STXBP6: variants seen among roughly 807,000 people sequenced by gnomAD.
The protein encoded by STXBP6 is syntaxin-binding protein 6.
Under a neutral mutation model 26.9 loss-of-function variants are expected in STXBP6, and 21 were observed. That is an observed-to-expected ratio of 0.78 (90% CI 0.55 to 1.12). The LOEUF (loss-of-function observed/expected upper bound fraction) is 1.12. Among genes scored for constraint, STXBP6 ranks in the 50% most tolerant of loss-of-function variants. STXBP6 has a pLI of 0.00. For missense variants in STXBP6, 232 were observed against 257.9 expected (o/e 0.90, Z 0.69); for synonymous variants, 97 against 92.6 (o/e 1.05, Z -0.27).
intron 2 of STXBP6, among the ~76,000 whole-genome samples, chr14:24,955,337 C>T (rs2140086097): frequency 6.6e-6 from 1 of 152,238 alleles, no homozygotes. Flanking sequence ...ATCCACAGGC[C>T]ACTCATCCAC....
chr14:24,838,757 G>T (rs1266732212), intron 4 of STXBP6, among the ~76,000 whole-genome samples: 1 of 152,004 alleles, frequency 6.6e-6, no homozygotes, highest in African/African-American at 2.4e-5. Context: ...GCACCTAGAG[G>T]CTAATAATTC....
At chr14:24,822,885 A>T (rs2068177422) in intron 4 of STXBP6, among the ~76,000 whole-genome samples, 1 of 152,206 alleles carries the variant, frequency 6.6e-6, no homozygotes, top group Non-Finnish European at 1.5e-5. Flanking sequence ...GTATTTATTA[A>T]ATCACGACAT....
At chr14:24,823,274 T>C (rs1485132537) in intron 4 of STXBP6, among the ~76,000 whole-genome samples, 7 of 151,950 alleles carry the variant, frequency 4.6e-5, no homozygotes, top group Non-Finnish European at 1.0e-4. Context: ...GTTCAGTCAC[T>C]GAGAACACAA....
At position 24,847,889 on chromosome 14, in the gene STXBP6, T is replaced by C. The variant is rs1281869732; in HGVS notation, c.451+8047A>G. Among the ~76,000 whole-genome samples, 2 of 152,192 alleles carry C rather than the reference T, an allele frequency of 1.3e-5. 1 individual carries two copies. The highest frequency in any genetic ancestry group is 4.1e-4 in the South Asian group (2 of 4,836). ...AGTCAGCAGTAACATGTGCACTCTA[T>C]AAATGTCAAACATAAAATGCAACAC... On this transcript the variant is annotated intron_variant, in intron 4 of 5. Transcript: ENST00000323944.
intron 1 of STXBP6, among the ~76,000 whole-genome samples, chr14:24,989,335 T>C (rs2074409208): frequency 6.6e-6 from 1 of 152,232 alleles, no homozygotes; most frequent in Admixed American, 6.5e-5. Context: ...TGTAAGAATA[T>C]ATTTTCAGAA....
intron 2 of STXBP6, among the ~76,000 whole-genome samples, chr14:24,966,103 T>C (rs2073724756): frequency 6.6e-6 from 1 of 152,222 alleles, no homozygotes. Context: ...CAGTGGGCTG[T>C]GTGGTGGGAG....
At chr14:24,969,636 G>A (rs1158724811) in intron 2 of STXBP6, among the ~76,000 whole-genome samples, 1 of 152,158 alleles carries the variant, frequency 6.6e-6, no homozygotes, top group Non-Finnish European at 1.5e-5. Context: ...AGCATCTATT[G>A]TCCCTATTGA....
intron 2 of STXBP6, among the ~76,000 whole-genome samples, chr14:24,862,874 C>T (rs981064085): frequency 6.6e-6 from 1 of 152,148 alleles, no homozygotes; most frequent in Admixed American, 6.5e-5. Context: ...CAAGTGCCTG[C>T]CCTACACCAA....
intron 2 of STXBP6, among the ~76,000 whole-genome samples, chr14:24,929,584 C>T (rs2072306825): frequency 6.6e-6 from 1 of 152,208 alleles, no homozygotes. Flanking sequence ...AGCTAATAAA[C>T]ATTTGTCTGG....
intron 2 of STXBP6, among the ~76,000 whole-genome samples, chr14:24,883,562 A>T (rs1028373092): frequency 6.6e-6 from 1 of 152,200 alleles, no homozygotes; most frequent in Non-Finnish European, 1.5e-5. Context: ...CTCAAATATT[A>T]AATCTCCAAC....
At chr14:24,872,010 C>T (rs543962235) in intron 2 of STXBP6, among the ~76,000 whole-genome samples, 11 of 152,152 alleles carry the variant, frequency 7.2e-5, no homozygotes, top group Admixed American at 4.6e-4. Context: ...CTGGGCCTCC[C>T]GCATACCTTA....
At chr14:24,975,170 T>A (rs185421814) in intron 1 of STXBP6, among the ~76,000 whole-genome samples, 151 of 152,312 alleles carry the variant, frequency 9.9e-4, no homozygotes, top group African/African-American at 2.9e-3. Context: ...TGGCAAGCAG[T>A]ACCCACTCTA....
At chr14:24,898,359 A>G (rs1227214729) in intron 2 of STXBP6, among the ~76,000 whole-genome samples, 1 of 152,196 alleles carries the variant, frequency 6.6e-6, no homozygotes, top group Non-Finnish European at 1.5e-5. Flanking sequence ...TCACTGAACC[A>G]CATGCTTTTT....
intron 4 of STXBP6, among the ~76,000 whole-genome samples, chr14:24,820,345 T>A (rs946443870): frequency 2.0e-5 from 3 of 152,162 alleles, no homozygotes; most frequent in African/African-American, 4.8e-5. Flanking sequence ...TGGAAAAGGA[T>A]CTCAGGCAAA....
intron 4 of STXBP6, among the ~76,000 whole-genome samples, chr14:24,829,176 A>G (rs959312512): frequency 1.3e-5 from 2 of 152,210 alleles, no homozygotes; most frequent in Non-Finnish European, 2.9e-5. Flanking sequence ...GAAGAAAATA[A>G]ATAATGAAGA....
intron 2 of STXBP6, among the ~76,000 whole-genome samples, chr14:24,959,673 T>C (rs1472518833): frequency 6.6e-6 from 1 of 152,212 alleles, no homozygotes; most frequent in Non-Finnish European, 1.5e-5. Flanking sequence ...CAAGGATCTA[T>C]ACAGTCCTTA....
chr14:24,906,826 T>A (rs1222481173), intron 2 of STXBP6, among the ~76,000 whole-genome samples: 1 of 152,152 alleles, frequency 6.6e-6, no homozygotes, highest in Non-Finnish European at 1.5e-5. Context: ...TCTACTTCAC[T>A]ATGCCCTCTA....
intron 2 of STXBP6, among the ~76,000 whole-genome samples, chr14:24,870,558 C>T (rs1259231925): frequency 6.6e-6 from 1 of 152,144 alleles, no homozygotes; most frequent in African/African-American, 2.4e-5. Context: ...ATTTTAGTGT[C>T]TTTTTCTAAC....
In STXBP6 at chr14:24,958,956, C is replaced by G. The variant is rs1237013849; in HGVS notation, c.154+15709G>C. Among the ~76,000 whole-genome samples, 4 of 152,236 alleles carry G rather than the reference C, an allele frequency of 2.6e-5. No homozygotes were observed. In the East Asian group the frequency reaches 7.7e-4, roughly 29 times the overall value. On this transcript the variant is annotated intron_variant, in intron 2 of 5. Coordinates refer to ENST00000323944, the MANE Select transcript of STXBP6 (RefSeq NM_001394410.1). ...CAACAGACACATAAGGAAATAAGTG[C>G]TCTAGAACAATGATCTAAACAGGAG...
Sources: allele counts gnomAD v4.1 joint callset (sites outside exome capture counted in the v4.1 genomes callset), GRCh38; gene constraint gnomAD v4.1.1; transcripts MANE v1.5; gene names NCBI Gene and HGNC (gene_info 2026-07-23, HGNC 2026-07-21).